The following MLIP variants were observed in gnomAD, a reference collection of about 807,000 sequenced individuals.
MLIP encodes the protein muscular LMNA interacting protein.
MLIP carries 79 observed loss-of-function variants against 84.8 expected under a neutral mutation model. That is an observed-to-expected ratio of 0.93 (90% CI 0.78 to 1.12). The LOEUF (loss-of-function observed/expected upper bound fraction) is 1.12, where lower values mean the gene tolerates loss of function less well. Among genes scored for constraint, MLIP ranks in the 50% most tolerant of loss-of-function variants. The pLI is 0.00. For missense variants in MLIP, 1,257 were observed against 1,160.6 expected (o/e 1.08, Z -1.21); for synonymous variants, 504 against 463.0 (o/e 1.09, Z -1.14).
chr6:54,022,467 AAG>A (rs1763550282), intron 1 of MLIP, among the ~76,000 whole-genome samples: 1 of 152,234 alleles, frequency 6.6e-6, no homozygotes, highest in African/African-American at 2.4e-5. Context: ...ATGATAGACA[AAG>A]AGATACATTC....
At chr6:54,088,816 G>T (rs1277376918) in intron 1 of MLIP, among the ~76,000 whole-genome samples, 1 of 151,984 alleles carries the variant, frequency 6.6e-6, no homozygotes, top group Admixed American at 6.6e-5. Context: ...TTATACATTT[G>T]TCCACCAGCA....
At chr6:54,021,136 T>C (rs1341814201) in intron 1 of MLIP, among the ~76,000 whole-genome samples, 1 of 152,234 alleles carries the variant, frequency 6.6e-6, no homozygotes, top group Admixed American at 6.5e-5. Flanking sequence ...TTATGTTTCA[T>C]GTTAATACCA....
At chr6:54,224,955 T>A (rs1780477484) in intron 11 of MLIP, among the ~76,000 whole-genome samples, 1 of 152,222 alleles carries the variant, frequency 6.6e-6, no homozygotes. Flanking sequence ...TTGTCTATAG[T>A]GTATATATAC....
At chr6:54,132,699 G>A (rs1320410528) in intron 3 of MLIP, among the ~76,000 whole-genome samples, 1 of 152,122 alleles carries the variant, frequency 6.6e-6, no homozygotes, top group African/African-American at 2.4e-5. Context: ...CCAAAAAATC[G>A]AGAGGTGCAG....
intron 4 of MLIP, among the ~76,000 whole-genome samples, chr6:54,147,198 ATAT>A (rs960492174): frequency 8.1e-4 from 124 of 152,290 alleles, no homozygotes; most frequent in African/African-American, 2.9e-3. Context: ...TTGGAAGAAA[ATAT>A]TATAGAGAAA....
intron 5 of MLIP, among the ~76,000 whole-genome samples, chr6:54,155,008 C>G (rs1047074674): frequency 1.3e-5 from 2 of 152,050 alleles, no homozygotes; most frequent in African/African-American, 4.8e-5. Context: ...GAATGGTTTG[C>G]AAAAACTCCC....
At chr6:54,223,876 A>G (rs915077066) in intron 11 of MLIP, among the ~76,000 whole-genome samples, 8 of 152,080 alleles carry the variant, frequency 5.3e-5, no homozygotes, top group Non-Finnish European at 1.2e-4. Flanking sequence ...TGAAATCATT[A>G]TTTTTCAAAT....
chr6:54,250,776 A>G (rs1254455331), intron 12 of MLIP, among the ~76,000 whole-genome samples: 2 of 152,074 alleles, frequency 1.3e-5, no homozygotes, highest in Non-Finnish European at 2.9e-5. Context: ...GACTAATTCC[A>G]TATTCACTCA....
chr6:54,195,723 C>T (rs935184945), intron 10 of MLIP, among the ~76,000 whole-genome samples: 9 of 152,002 alleles, frequency 5.9e-5, no homozygotes, highest in African/African-American at 9.7e-5. Context: ...CACTGGGCTT[C>T]GGGGAGCCCA....
chr6:54,189,389 C>T (rs559787084), intron 9 of MLIP, among the ~76,000 whole-genome samples: 1 of 152,262 alleles, frequency 6.6e-6, no homozygotes, highest in East Asian at 1.9e-4. Flanking sequence ...AAAACCAAGT[C>T]ATTTTTATTC....
At chr6:54,142,551 C>T (rs816376) in intron 4 of MLIP, among the ~76,000 whole-genome samples, 1 of 151,900 alleles carries the variant, frequency 6.6e-6, no homozygotes, top group Non-Finnish European at 1.5e-5. Context: ...CAGTGAGGAA[C>T]AGGATGTTGA....
intron 11 of MLIP, among the ~76,000 whole-genome samples, chr6:54,228,502 TAG>T (rs1465678618): frequency 1.3e-5 from 2 of 152,208 alleles, no homozygotes; most frequent in African/African-American, 4.8e-5. Flanking sequence ...GCTGCCTGGG[TAG>T]AGTGAGGACA....
chr6:54,244,462 A>G (rs1781944850), intron 12 of MLIP, among the ~76,000 whole-genome samples: 1 of 152,218 alleles, frequency 6.6e-6, no homozygotes, highest in South Asian at 2.1e-4. Flanking sequence ...TAATTCATTC[A>G]CAAAGAAGCT....
At chr6:54,115,585 T>A (rs1250402031) in intron 1 of MLIP, among the ~76,000 whole-genome samples, 2 of 152,084 alleles carry the variant, frequency 1.3e-5, no homozygotes, top group African/African-American at 4.8e-5. Context: ...TTATAAAAAA[T>A]ACCCATTGAG....
chr6:54,093,697 C>A (rs1176558636), intron 1 of MLIP, among the ~76,000 whole-genome samples: 1 of 152,186 alleles, frequency 6.6e-6, no homozygotes, highest in African/African-American at 2.4e-5. Context: ...ACAACTGTGA[C>A]CCATTACTCC....
chr6:54,080,383 A>AC (rs1406812630), intron 1 of MLIP, among the ~76,000 whole-genome samples: 8 of 152,002 alleles, frequency 5.3e-5, no homozygotes, highest in African/African-American at 1.9e-4. Context: ...AGTTTTAGGA[A>AC]CCCCTAAACC....
At chr6:54,019,615 C>G (rs1763387546) in intron 1 of MLIP, among the ~76,000 whole-genome samples, 1 of 152,180 alleles carries the variant, frequency 6.6e-6, no homozygotes, top group South Asian at 2.1e-4. Flanking sequence ...AATATGGTGA[C>G]TTACATTTGC....
chr6:54,029,700 C>T (rs1764017373), intron 1 of MLIP, among the ~76,000 whole-genome samples: 1 of 152,054 alleles, frequency 6.6e-6, no homozygotes, highest in Non-Finnish European at 1.5e-5. Flanking sequence ...TGTTATTTGG[C>T]ATGCCAGAAA....
chr6:54,188,578 G>A (rs2150667571), intron 9 of MLIP, among the ~76,000 whole-genome samples: 1 of 152,024 alleles, frequency 6.6e-6, no homozygotes, highest in East Asian at 1.9e-4. Flanking sequence ...GAATATTTTT[G>A]GCTCCACTAT....
Sources: gnomAD v4.1 joint callset for allele counts (sites outside exome capture counted in the v4.1 genomes callset) on GRCh38, gnomAD v4.1.1 for gene constraint, MANE v1.5 for transcripts, NCBI Gene and HGNC (gene_info 2026-07-23, HGNC 2026-07-21) for gene names.